DLG2: variants seen among roughly 807,000 people sequenced by gnomAD.
The protein encoded by DLG2 is disks large homolog 2.
Under a neutral mutation model 132.5 loss-of-function variants are expected in DLG2, and 45 were observed. The observed-to-expected ratio is 0.34, with a 90% CI of 0.27 to 0.44. DLG2 has a LOEUF of 0.44. DLG2 is among the 20% of genes least tolerant of loss of function. DLG2 has a pLI of 1.00. For synonymous variants in DLG2, 424 were observed against 419.6 expected (o/e 1.01, Z -0.13); for missense variants, 1,045 against 1,196.9 (o/e 0.87, Z 1.87).
intron 6 of DLG2, among the ~76,000 whole-genome samples, chr11:85,053,882 A>G (rs1472820358): frequency 6.6e-6 from 1 of 151,888 alleles, no homozygotes; most frequent in African/African-American, 2.4e-5. Flanking sequence ...AAGTACAAAA[A>G]TATGGGTCAA....
chr11:83,715,665 A>C (rs1335850156), intron 18 of DLG2, among the ~76,000 whole-genome samples: 2 of 152,184 alleles, frequency 1.3e-5, no homozygotes, highest in Non-Finnish European at 2.9e-5. Flanking sequence ...CTAAAAATCA[A>C]ACTCAACTGG....
chr11:85,438,174 A>G (rs754149769), intron 3 of DLG2, among the ~76,000 whole-genome samples: 9 of 152,162 alleles, frequency 5.9e-5, no homozygotes, highest in Non-Finnish European at 1.2e-4. Flanking sequence ...TGGGAACTAT[A>G]GAGCAAGAAC....
chr11:84,206,749 A>G (rs1196898525), intron 8 of DLG2, among the ~76,000 whole-genome samples: 1 of 152,036 alleles, frequency 6.6e-6, no homozygotes, highest in African/African-American at 2.4e-5. Context: ...AGACCTTAGC[A>G]TGGACATTAT....
At chr11:83,656,764 T>C (rs56733932) in intron 18 of DLG2, among the ~76,000 whole-genome samples, 334 of 152,288 alleles carry the variant, frequency 2.2e-3, no homozygotes, top group African/African-American at 7.6e-3. Context: ...ATTAAAATAT[T>C]AATATGTGAA....
intron 8 of DLG2, among the ~76,000 whole-genome samples, chr11:84,175,650 C>T (rs897689951): frequency 2.6e-5 from 4 of 152,232 alleles, no homozygotes; most frequent in African/African-American, 7.2e-5. Context: ...CCACCTTCTT[C>T]GCTATCTCAT....
intron 6 of DLG2, among the ~76,000 whole-genome samples, chr11:84,707,605 C>A (rs1444405073): frequency 3.3e-5 from 5 of 151,928 alleles, no homozygotes; most frequent in Non-Finnish European, 4.4e-5. Context: ...TAGGAGCTGG[C>A]TGAAAGAGGT....
At chr11:83,687,548 A>G (rs1434031394) in intron 18 of DLG2, among the ~76,000 whole-genome samples, 4 of 151,954 alleles carry the variant, frequency 2.6e-5, no homozygotes, top group African/African-American at 9.7e-5. Flanking sequence ...CCTGCTATTT[A>G]TTTTTTCTTC....
At chr11:84,679,832 C>A (rs2099724241) in intron 6 of DLG2, among the ~76,000 whole-genome samples, 1 of 151,790 alleles carries the variant, frequency 6.6e-6, no homozygotes, top group Non-Finnish European at 1.5e-5. Context: ...GGATCCAGAC[C>A]CCAGACTCTT....
At chr11:85,339,432 G>A (rs1413035950) in intron 3 of DLG2, among the ~76,000 whole-genome samples, 1 of 152,136 alleles carries the variant, frequency 6.6e-6, no homozygotes, top group Non-Finnish European at 1.5e-5. Context: ...ACTAGGTATT[G>A]TCCATTTTCC....
intron 6 of DLG2, among the ~76,000 whole-genome samples, chr11:84,788,824 T>C (rs2073368565): frequency 6.6e-6 from 1 of 152,114 alleles, no homozygotes; most frequent in African/African-American, 2.4e-5. Context: ...AATAAACAAA[T>C]GTATCAAAGT....
intron 4 of DLG2, among the ~76,000 whole-genome samples, chr11:85,179,688 G>A (rs1360243953): frequency 6.6e-6 from 1 of 151,726 alleles, no homozygotes; most frequent in Non-Finnish European, 1.5e-5. Context: ...GAAAAGGATG[G>A]TCAATGAACA....
intron 6 of DLG2, among the ~76,000 whole-genome samples, chr11:85,087,989 T>G (rs2068214942): frequency 6.6e-6 from 1 of 152,180 alleles, no homozygotes; most frequent in Admixed American, 6.5e-5. Flanking sequence ...AGATTTATAT[T>G]TTTCAAGTTA....
chr11:85,135,017 T>C (rs777377762), intron 5 of DLG2, among the ~76,000 whole-genome samples: 5 of 152,222 alleles, frequency 3.3e-5, no homozygotes, highest in Non-Finnish European at 5.9e-5. Flanking sequence ...AACACCAGTT[T>C]GTCTATTCAC....
At chr11:84,632,322 A>C (rs2099633517) in intron 6 of DLG2, among the ~76,000 whole-genome samples, 1 of 152,100 alleles carries the variant, frequency 6.6e-6, no homozygotes, top group Non-Finnish European at 1.5e-5. Context: ...AGGTAGCTCC[A>C]ACCCTCCAAA....
At chr11:85,453,189 C>T (rs533089836) in intron 3 of DLG2, 86 of 354,244 alleles carry the variant, frequency 2.4e-4, no homozygotes, top group African/African-American at 1.8e-3. Flanking sequence ...TGGGTACACA[C>T]CAAAGGCCAA....
chr11:84,633,521 C>T (rs1203456367), intron 6 of DLG2, among the ~76,000 whole-genome samples: 3 of 152,192 alleles, frequency 2.0e-5, no homozygotes, highest in South Asian at 4.1e-4. Flanking sequence ...GCCTCCTCTT[C>T]CCCTATCCCT....
intron 5 of DLG2, among the ~76,000 whole-genome samples, chr11:85,124,116 T>C (rs934179998): frequency 1.3e-5 from 2 of 152,202 alleles, no homozygotes; most frequent in African/African-American, 4.8e-5. Flanking sequence ...TCAGCTGCTA[T>C]TTATTGGCTA....
chr11:85,317,543 G>C (rs516080), intron 3 of DLG2, among the ~76,000 whole-genome samples: 131,619 of 151,918 alleles, frequency 0.87, 57,368 homozygotes, highest in Non-Finnish European at 0.92. Flanking sequence ...GAAAATACAG[G>C]AAGCACTAAA....
chr11:84,599,729 C>T (rs891175874), intron 6 of DLG2, among the ~76,000 whole-genome samples: 18 of 151,916 alleles, frequency 1.2e-4, no homozygotes, highest in East Asian at 3.9e-4. Flanking sequence ...GTATACATTC[C>T]GTAATTAGAA....
Sources: gnomAD v4.1 joint callset for allele counts (sites outside exome capture counted in the v4.1 genomes callset) on GRCh38, gnomAD v4.1.1 for gene constraint, MANE v1.5 for transcripts, NCBI Gene and HGNC (gene_info 2026-07-23, HGNC 2026-07-21) for gene names.